Variants in RAB36 observed in about 807,000 individuals in gnomAD.
RAB36 encodes the protein RAB36, member RAS oncogene family.
RAB36 carries 33 observed loss-of-function variants against 39.3 expected under a neutral mutation model. The ratio of observed to expected loss-of-function variants is 0.84; its 90% CI spans 0.64 to 1.12. RAB36 has a LOEUF of 1.12. Ranked by LOEUF, RAB36 falls within the 50% of genes most tolerant of loss-of-function variation. RAB36 has a pLI of 0.00. For synonymous variants in RAB36, 133 were observed against 140.2 expected (o/e 0.95, Z 0.36); for missense variants, 308 against 355.3 (o/e 0.87, Z 1.07).
At chr22:23,169,122 A>T (rs1169371419), downstream of RAB36, among the ~76,000 whole-genome samples, 1 of 152,274 alleles carries the variant, frequency 6.6e-6, no homozygotes, top group African/African-American at 2.4e-5. Flanking sequence ...GTTCCTGAGG[A>T]GGGGCCCAGG....
intron 1 of RAB36, 132 bp from the exon 2 acceptor site, chr22:23,146,473 A>G: frequency 1.5e-6 from 2 of 1,375,396 alleles, no homozygotes; most frequent in Non-Finnish European, 1.9e-6. Flanking sequence ...TGGCCTCCCA[A>G]AGTGCTGGGA....
chr22:23,155,871 T>C, intron 5 of RAB36, 97 bp from the exon 6 acceptor site: 1 of 1,152,856 alleles, frequency 8.7e-7, no homozygotes, highest in Non-Finnish European at 1.2e-6. Context: ...CACAGGCCCT[T>C]AGGGTCTCCC....
At chr22:23,154,524 A>T (rs1412827684) in intron 5 of RAB36, among the ~76,000 whole-genome samples, 5 of 152,174 alleles carry the variant, frequency 3.3e-5, no homozygotes, top group African/African-American at 1.2e-4. Context: ...GGATCCAGAG[A>T]GCTGAGAAGA....
rs114678172 is a variant in RAB36, at chr22:23,153,646, C to G, written c.329+512C>G. 4.0e-4 allele frequency: 396 copies of G among 983,340 alleles called. 3 individuals are homozygous for G. In the African/African-American group the frequency reaches 6.7e-3, roughly 17 times the overall value. The allele number at this position is 983,340 out of a possible 1,614,324, so 60.9% of individuals were successfully genotyped here. A position where few individuals can be genotyped will look rare whatever the true frequency, so the allele number is the denominator to read the frequency against. Reference sequence around the variant, plus strand: ...GGCACTCGTCTTCCTCCTCACACTGCAGCCTTCACTCCCTCTCCCCAGCCT... The same window carrying G: ...GGCACTCGTCTTCCTCCTCACACTGGAGCCTTCACTCCCTCTCCCCAGCCT... On this transcript the variant is annotated intron_variant, in intron 5 of 10. Coordinates refer to ENST00000263116, the MANE Select transcript of RAB36 (RefSeq NM_004914.5).
chr22:23,154,720 G>A (rs2071360926), intron 5 of RAB36, among the ~76,000 whole-genome samples: 1 of 152,102 alleles, frequency 6.6e-6, no homozygotes, highest in Non-Finnish European at 1.5e-5. Context: ...CTCATCTCTA[G>A]GCCACCACCA....
At chr22:23,145,368 G>T, upstream of RAB36, 1 of 1,606,000 alleles carries the variant, frequency 6.2e-7, no homozygotes. Context: ...TCGTTGCTAT[G>T]GTGATCGCCG....
Position 23,161,508 on chromosome 22 carries a change from G to A in RAB36, c.748G>A (p.Gly250Arg). ...TTCTCCCCTCCTTACAGAAATGGAA[G>A]GGAGTCCGCCCGAGACCCAGGAGAG... ...VGNGDLIQME[G>R]SPPETQESKR... The change falls in exon 11 of 11, where the codon GGG becomes AGG. Residue 250 changes from glycine (G) to arginine (R), a missense_variant. By Grantham distance (125) the Gly-to-Arg change is moderately radical. Transcript: ENST00000263116. The A allele has an allele frequency of 6.2e-7, 1 of 1,612,100 alleles. No individual in the cohort carries two copies. Among genetic ancestry groups the A allele is most frequent in the Non-Finnish European group, 8.5e-7 (1 of 1,178,578 alleles).
downstream of RAB36, among the ~76,000 whole-genome samples, chr22:23,167,392 A>AG (rs2072069427): frequency 6.6e-6 from 1 of 152,148 alleles, no homozygotes; most frequent in Admixed American, 6.5e-5. Context: ...GAGGCTCCAC[A>AG]GGGACCGGAG....
chr22:23,160,047 C>G (rs937241569), intron 9 of RAB36, among the ~76,000 whole-genome samples: 1 of 152,206 alleles, frequency 6.6e-6, no homozygotes, highest in Non-Finnish European at 1.5e-5. Context: ...TACGCAGGGC[C>G]TGGCACATAA....
chr22:23,145,783 G>A (rs952640919), intron 1 of RAB36, among the ~76,000 whole-genome samples: 2 of 152,254 alleles, frequency 1.3e-5, no homozygotes, highest in Non-Finnish European at 2.9e-5. Flanking sequence ...ACCGGACTCC[G>A]CCAGGACCAC....
chr22:23,146,779 A>G (rs999909314), intron 2 of RAB36, 94 bp downstream of exon 2: 8 of 1,513,972 alleles, frequency 5.3e-6, no homozygotes, highest in Non-Finnish European at 7.1e-6. Context: ...AAGCAGGTGA[A>G]TCAAGGAGGT....
intron 6 of RAB36, among the ~76,000 whole-genome samples, chr22:23,156,633 A>C (rs371229235): frequency 1.3e-5 from 2 of 152,378 alleles, no homozygotes; most frequent in African/African-American, 2.4e-5. Flanking sequence ...AAAGTATCCA[A>C]AACCAGACTC....
At chr22:23,148,402 T>C (rs778489909) in intron 2 of RAB36, among the ~76,000 whole-genome samples, 2 of 152,166 alleles carry the variant, frequency 1.3e-5, no homozygotes, top group African/African-American at 2.4e-5. Flanking sequence ...AAGAACCTCA[T>C]TGGCAGAGCA....
Position 23,158,899 on chromosome 22 carries a change from C to A in RAB36, c.448C>A (p.Gln150Lys). The change falls in exon 8 of 11, where the codon CAG (glutamine) becomes AAG (lysine). Residue 150 changes from glutamine to lysine, a missense_variant and splice_region_variant. Coordinates refer to ENST00000263116, the MANE Select transcript of RAB36 (RefSeq NM_004914.5). ...TDVQTLEHTR[Q>K]WLEDALRENE... Reference sequence around the variant, plus strand: ...TCAGCCTCTCTCCTTACACTCCAGGCAGTGGTTGGAGGATGCTCTGAGGGA... The same window carrying A: ...TCAGCCTCTCTCCTTACACTCCAGGAAGTGGTTGGAGGATGCTCTGAGGGA... 1 of 1,613,874 alleles carries A rather than the reference C, an allele frequency of 6.2e-7. No homozygotes were observed. The highest frequency in any genetic ancestry group is 8.5e-7 in the Non-Finnish European group (1 of 1,179,732).
At chr22:23,157,697 C>T (rs1453881009) in intron 6 of RAB36, among the ~76,000 whole-genome samples, 2 of 152,216 alleles carry the variant, frequency 1.3e-5, no homozygotes, top group African/African-American at 2.4e-5. Flanking sequence ...CTCCCTTAGC[C>T]GTAAGTGGCA....
chr22:23,157,796 G>T (rs2071542005), intron 6 of RAB36, among the ~76,000 whole-genome samples, 196 bp from the exon 7 acceptor site: 1 of 152,196 alleles, frequency 6.6e-6, no homozygotes, highest in Admixed American at 6.5e-5. Context: ...GGGCTGCCGG[G>T]TGCAGGCTGG....
chr22:23,161,097 C>G (rs2071759368), intron 10 of RAB36, 99 bp downstream of exon 10: 2 of 1,412,294 alleles, frequency 1.4e-6, no homozygotes, highest in Non-Finnish European at 1.9e-6. Context: ...ATTTCCTGAA[C>G]TTGTGGCCCT....
At chr22:23,158,212 C>T (rs1174780318) in intron 7 of RAB36, among the ~76,000 whole-genome samples, 169 bp downstream of exon 7, 2 of 152,218 alleles carry the variant, frequency 1.3e-5, no homozygotes, top group East Asian at 3.8e-4. Flanking sequence ...CTGCCTTTAT[C>T]GCTTGAGATT....
intron 5 of RAB36, among the ~76,000 whole-genome samples, 163 bp downstream of exon 5, chr22:23,153,297 C>G: frequency 6.6e-6 from 1 of 152,162 alleles, no homozygotes; most frequent in East Asian, 1.9e-4. Context: ...CCAGAGCCCC[C>G]ACATGCTCTG....
Sources: allele counts gnomAD v4.1 joint callset (sites outside exome capture counted in the v4.1 genomes callset), GRCh38; gene constraint gnomAD v4.1.1; transcripts MANE v1.5; gene names NCBI Gene and HGNC (gene_info 2026-07-23, HGNC 2026-07-21).